The following GAS7 variants were observed in gnomAD, a reference collection of about 807,000 sequenced individuals.
GAS7 encodes growth arrest-specific protein 7.
A neutral mutation model predicts 71.1 loss-of-function variants in GAS7; 28 were observed. That is an observed-to-expected ratio of 0.39 (90% confidence interval 0.29 to 0.54). The LOEUF is 0.54. Ranked by LOEUF, GAS7 falls within the 20% of genes least tolerant of loss-of-function variation. The pLI is 0.62. For missense variants in GAS7, 436 were observed against 627.8 expected (o/e 0.69, Z 3.27); for synonymous variants, 258 against 245.8 (o/e 1.05, Z -0.46).
intron 1 of GAS7, among the ~76,000 whole-genome samples, chr17:10,132,442 T>G (rs2074004527): frequency 6.6e-6 from 1 of 152,206 alleles, no homozygotes; most frequent in Non-Finnish European, 1.5e-5. Context: ...TGGTATCACA[T>G]TTAAAGAAAC....
chr17:10,067,179 C>T (rs186633617), intron 1 of GAS7, among the ~76,000 whole-genome samples: 2 of 152,214 alleles, frequency 1.3e-5, no homozygotes, highest in East Asian at 3.9e-4. Flanking sequence ...TTCCAGCCCA[C>T]CACAGCAGAG....
intron 1 of GAS7, among the ~76,000 whole-genome samples, chr17:10,100,350 C>T (rs1486093211): frequency 6.6e-6 from 1 of 152,176 alleles, no homozygotes; most frequent in African/African-American, 2.4e-5. Context: ...TGGATTCAGG[C>T]ACATGGACTC....
intron 1 of GAS7, among the ~76,000 whole-genome samples, chr17:10,168,691 G>C (rs181236514): frequency 2.0e-5 from 3 of 152,198 alleles, no homozygotes; most frequent in African/African-American, 7.2e-5. Flanking sequence ...TTAATAATTA[G>C]GCTGGGCACG....
At position 10,034,108 on chromosome 17, in the gene GAS7, T is replaced by C. The variant is rs1316124182; in HGVS notation, c.184-14211A>G. ...GGCCTTGCTATGGAGATGTGAGACC[T>C]ACCACTGCTCTGTGCCACCGTGCGA... On this transcript the variant is annotated intron_variant, in intron 1 of 13. Coordinates refer to ENST00000432992, the MANE Select transcript of GAS7 (RefSeq NM_201433.2). The surrounding 1 kb of genome is among the most constrained non-coding windows in gnomAD (Gnocchi z 4.4). 2.0e-6 allele frequency: 2 copies of C among 984,920 alleles called. No individual in the cohort carries two copies. The highest frequency in any genetic ancestry group is 1.7e-5 in the African/African-American group (1 of 57,206). The allele number at this position is 984,920 out of a possible 1,614,324, so 61.0% of individuals were successfully genotyped here. A position where few individuals can be genotyped will look rare whatever the true frequency, so the allele number is the denominator to read the frequency against.
At chr17:10,097,145 C>T (rs1315564934) in intron 1 of GAS7, among the ~76,000 whole-genome samples, 2 of 152,254 alleles carry the variant, frequency 1.3e-5, no homozygotes, top group African/African-American at 4.8e-5. Context: ...TCCTACTCCT[C>T]TGTAAGGCCT....
chr17:9,985,894 T>C (rs2070629449), intron 2 of GAS7, among the ~76,000 whole-genome samples: 1 of 152,160 alleles, frequency 6.6e-6, no homozygotes, highest in African/African-American at 2.4e-5. Flanking sequence ...CGGGGGTTGC[T>C]CCCAGGAGCA....
chr17:9,982,866 A>AAAGAAAGAAAGAAAGC (rs1173313108), intron 2 of GAS7, among the ~76,000 whole-genome samples: 22 of 144,544 alleles, frequency 1.5e-4, no homozygotes, highest in African/African-American at 2.9e-4. Context: ...AGAAAGAAAG[A>AAAGAAAGAAAGAAAGC]AAGCAAAGAA....
chr17:10,063,020 C>T (rs1247969933), intron 1 of GAS7, among the ~76,000 whole-genome samples: 1 of 152,248 alleles, frequency 6.6e-6, no homozygotes, highest in East Asian at 1.9e-4. Context: ...GTAGGATGGA[C>T]CCCTCCCCAC....
At chr17:10,118,802 A>ACC (rs960002818) in intron 1 of GAS7, among the ~76,000 whole-genome samples, 3 of 151,006 alleles carry the variant, frequency 2.0e-5, no homozygotes, top group Admixed American at 1.3e-4. Context: ...AACCATGAGG[A>ACC]CCAAGCAGGC....
intron 1 of GAS7, among the ~76,000 whole-genome samples, chr17:10,097,006 A>T (rs946337001): frequency 1.3e-5 from 2 of 152,172 alleles, no homozygotes; most frequent in African/African-American, 4.8e-5. Context: ...CAAAAACACA[A>T]CAAATACCCC....
intron 1 of GAS7, among the ~76,000 whole-genome samples, chr17:10,131,526 G>A (rs1167828137): frequency 1.3e-5 from 2 of 152,230 alleles, no homozygotes; most frequent in East Asian, 1.9e-4. Flanking sequence ...GGAGGCTGAG[G>A]CACAAGAATC....
chr17:10,017,062 T>C (rs77525865), intron 2 of GAS7, among the ~76,000 whole-genome samples: 14,798 of 150,536 alleles, frequency 0.098, 947 homozygotes, highest in Non-Finnish European at 0.14. Context: ...GCCCAGGAGG[T>C]TGAGGCTGCA....
intron 1 of GAS7, among the ~76,000 whole-genome samples, chr17:10,197,410 C>CG (rs1555542579): frequency 6.8e-6 from 1 of 147,928 alleles, no homozygotes; most frequent in Non-Finnish European, 1.5e-5. Flanking sequence ...GTCACCCCCC[C>CG]ACACACAAAG....
At chr17:10,060,872 C>G (rs1007991411) in intron 1 of GAS7, among the ~76,000 whole-genome samples, 2 of 152,080 alleles carry the variant, frequency 1.3e-5, no homozygotes, top group East Asian at 1.9e-4. Flanking sequence ...CTTTGTCCCC[C>G]CTGAGGACAT....
At chr17:10,023,704 G>A (rs56315016) in intron 1 of GAS7, among the ~76,000 whole-genome samples, 22,429 of 152,234 alleles carry the variant, frequency 0.15, 1,772 homozygotes, top group African/African-American at 0.2. Flanking sequence ...ATGGGTACAC[G>A]TTTTCCCTTT....
intron 1 of GAS7, among the ~76,000 whole-genome samples, chr17:10,180,760 A>G (rs2142142018): frequency 6.6e-6 from 1 of 152,108 alleles, no homozygotes; most frequent in Non-Finnish European, 1.5e-5. Context: ...TATTTATTTT[A>G]TTGTAACTCC....
Position 9,913,875 on chromosome 17 carries a change from T to G in GAS7, c.*3353A>C, listed in dbSNP as rs1338666141. 13 of 231,976 alleles carry G rather than the reference T, an allele frequency of 5.6e-5. No homozygotes were observed. The highest frequency in any genetic ancestry group is 1.0e-4 in the Non-Finnish European group (12 of 117,324). The allele number at this position is 231,976 out of a possible 1,614,324, so 14.4% of individuals were successfully genotyped here. ...AAATCAGGCTTTCACAAACAGATCT[T>G]GTGCATCAGTCTCCTGGGTGGAGGC... On this transcript the variant is annotated 3_prime_UTR_variant, in exon 14 of 14. Transcript: ENST00000432992.
chr17:10,075,024 AAC>A (rs1050264326), intron 1 of GAS7, among the ~76,000 whole-genome samples: 7 of 152,114 alleles, frequency 4.6e-5, no homozygotes, highest in African/African-American at 1.7e-4. Context: ...TTGTGATTAA[AAC>A]ACACACACCA....
At chr17:10,084,712 G>T (rs7215676) in intron 1 of GAS7, among the ~76,000 whole-genome samples, 2 of 151,984 alleles carry the variant, frequency 1.3e-5, no homozygotes, top group South Asian at 4.1e-4. Flanking sequence ...GGTGATCCAC[G>T]TGCCTCGGCC....
Sources: gnomAD v4.1 joint callset for allele counts (sites outside exome capture counted in the v4.1 genomes callset) on GRCh38, gnomAD v4.1.1 for gene constraint, Gnocchi (gnomAD v3.1) non-coding constraint, MANE v1.5 for transcripts, NCBI Gene and HGNC (gene_info 2026-07-23, HGNC 2026-07-21) for gene names.